The following MAGI1 variants were observed in gnomAD, a reference collection of about 807,000 sequenced individuals.
The protein encoded by MAGI1 is membrane-associated guanylate kinase, WW and PDZ domain-containing protein 1.
A neutral mutation model predicts 139.9 loss-of-function variants in MAGI1; 58 were observed. The observed-to-expected ratio is 0.41, with a 90% CI of 0.34 to 0.52. The LOEUF is 0.52. Ranked by LOEUF, MAGI1 falls within the 20% of genes least tolerant of loss-of-function variation. The pLI is 0.12. For synonymous variants in MAGI1, 812 were observed against 737.9 expected, an observed-to-expected ratio of 1.10 and a Z score of -1.63; for missense variants, 1,874 against 1,901.6, an observed-to-expected ratio of 0.99 and a Z score of 0.27.
At chr3:66,027,582 T>A (rs1391897959) in intron 1 of MAGI1, among the ~76,000 whole-genome samples, 1 of 152,202 alleles carries the variant, frequency 6.6e-6, no homozygotes, top group Non-Finnish European at 1.5e-5. Context: ...GAACCTGACT[T>A]CTCAAGCTAA....
At position 65,579,872 on chromosome 3, in the gene MAGI1, T is replaced by C. The variant is rs145627829; in HGVS notation, c.430+42100A>G. 5.6e-3 allele frequency among the ~76,000 whole-genome samples: 848 copies of C among 150,772 alleles called. 9 individuals are homozygous for C. Among genetic ancestry groups the C allele is most frequent in the African/African-American group, 0.02 (814 of 41,058 alleles). ...CAAAAAAAAAAAAAAACTCGCTCAG[T>C]ATCATTGGGACATTAAAAAAGCCAA... is the stretch of plus-strand genomic sequence containing the variant. On this transcript the variant is annotated intron_variant, in intron 2 of 22. Transcript: ENST00000402939.
intron 4 of MAGI1, among the ~76,000 whole-genome samples, chr3:65,472,432 C>T (rs909665361): frequency 6.6e-5 from 10 of 152,120 alleles, no homozygotes; most frequent in African/African-American, 2.2e-4. Flanking sequence ...GATGAATATT[C>T]AGGTGGTATA....
chr3:65,688,162 C>A (rs555383984), intron 1 of MAGI1: 8 of 766,870 alleles, frequency 1.0e-5, no homozygotes, highest in African/African-American at 5.2e-5. Flanking sequence ...ATGGGTATCA[C>A]TGACCCCCGT....
chr3:65,964,854 C>A (rs180899719), intron 1 of MAGI1, among the ~76,000 whole-genome samples: 1 of 152,292 alleles, frequency 6.6e-6, no homozygotes, highest in Non-Finnish European at 1.5e-5. Context: ...CCCCCAAGTC[C>A]AACAGATACA....
chr3:65,668,559 T>C (rs1327038473), intron 1 of MAGI1, among the ~76,000 whole-genome samples: 4 of 135,034 alleles, frequency 3.0e-5, no homozygotes, highest in Non-Finnish European at 3.0e-5. Context: ...AGTCCTTTTT[T>C]TTCTTTTTTT....
At chr3:65,580,621 A>G (rs2081373269) in intron 2 of MAGI1, among the ~76,000 whole-genome samples, 1 of 152,228 alleles carries the variant, frequency 6.6e-6, no homozygotes, top group Non-Finnish European at 1.5e-5. Context: ...TATTTTCTGC[A>G]CATAAAGTAA....
rs1422011896 is a variant in MAGI1 at position 65,357,060 on chromosome 3, C to A, written c.3707G>T (p.Arg1236Leu). 2 of 1,614,160 alleles carry A rather than the reference C, an allele frequency of 1.2e-6. No individual in the cohort carries two copies. Among genetic ancestry groups the A allele is most frequent in the South Asian group, 1.1e-5 (1 of 91,090 alleles). Reference protein sequence around the residue: ...GVPEVRAGPDRRQHPSLESSY... With the variant: ...GVPEVRAGPDLRQHPSLESSY... The stretch of plus-strand genomic sequence containing the variant: ...GGACTCCAATGACGGATGCTGCCGG[C>A]GGTCGGGCCCGGCCCTCACTTCCGG... Residue 1236 changes from arginine (R) to leucine (L), a missense_variant, in exon 23 of 23, where the codon CGC becomes CTC. Transcript: ENST00000402939.
intron 2 of MAGI1, among the ~76,000 whole-genome samples, chr3:65,497,673 C>T (rs948207542): frequency 6.6e-6 from 1 of 152,086 alleles, no homozygotes; most frequent in Non-Finnish European, 1.5e-5. Flanking sequence ...CTCCTGCAGC[C>T]ATCTTTGCCA....
intron 2 of MAGI1, among the ~76,000 whole-genome samples, chr3:65,553,759 A>G (rs1305532238): frequency 6.6e-6 from 1 of 152,190 alleles, no homozygotes; most frequent in African/African-American, 2.4e-5. Flanking sequence ...ATGGACAGCA[A>G]TGAACTATGT....
chr3:65,505,858 A>G (rs951945757), intron 2 of MAGI1, among the ~76,000 whole-genome samples: 1 of 152,106 alleles, frequency 6.6e-6, no homozygotes, highest in Non-Finnish European at 1.5e-5. Context: ...CTTACACTGC[A>G]GAGATGTAAA....
At chr3:65,476,475 G>C (rs1259282197) in intron 4 of MAGI1, among the ~76,000 whole-genome samples, 1 of 152,132 alleles carries the variant, frequency 6.6e-6, no homozygotes, top group Admixed American at 6.6e-5. Context: ...GATTTTATGA[G>C]GTCAGATTTT....
At chr3:65,973,514 G>C (rs573637200) in intron 1 of MAGI1, among the ~76,000 whole-genome samples, 1 of 152,276 alleles carries the variant, frequency 6.6e-6, no homozygotes, top group East Asian at 1.9e-4. Flanking sequence ...ATAAGTGAAT[G>C]TCTCCTAGCC....
At chr3:66,032,377 A>ATT (rs781376605) in intron 1 of MAGI1, among the ~76,000 whole-genome samples, 59,017 of 127,192 alleles carry the variant, frequency 0.46, 14,529 homozygotes, top group East Asian at 0.71. Context: ...CGCCCGGCTA[A>ATT]TTTTTTTGTT....
intron 1 of MAGI1, among the ~76,000 whole-genome samples, chr3:65,681,805 A>G (rs1042636789): frequency 1.3e-5 from 2 of 152,230 alleles, no homozygotes; most frequent in African/African-American, 4.8e-5. Context: ...AGATGATACC[A>G]AAGCAGAACA....
chr3:65,677,952 G>A (rs755224935), intron 1 of MAGI1, among the ~76,000 whole-genome samples: 2 of 152,206 alleles, frequency 1.3e-5, no homozygotes, highest in Non-Finnish European at 2.9e-5. Context: ...ACTGGATAAA[G>A]ACAATGTGGC....
At chr3:65,424,214 C>T (rs1946838837) in intron 12 of MAGI1, among the ~76,000 whole-genome samples, 1 of 152,200 alleles carries the variant, frequency 6.6e-6, no homozygotes, top group Non-Finnish European at 1.5e-5. Flanking sequence ...TCATTACCAT[C>T]ACCACCACCA....
At chr3:65,813,988 T>C (rs1202428237) in intron 1 of MAGI1, among the ~76,000 whole-genome samples, 1 of 152,134 alleles carries the variant, frequency 6.6e-6, no homozygotes, top group Non-Finnish European at 1.5e-5. Context: ...AAATTATGGG[T>C]ACGGAAATGA....
chr3:65,680,066 C>G (rs1461236547), intron 1 of MAGI1, among the ~76,000 whole-genome samples: 11 of 152,176 alleles, frequency 7.2e-5, no homozygotes, highest in Admixed American at 4.6e-4. Flanking sequence ...AGCTTTTTCC[C>G]TTCTAAGTAT....
intron 2 of MAGI1, among the ~76,000 whole-genome samples, chr3:65,562,810 G>A (rs530778519): frequency 2.0e-5 from 3 of 152,230 alleles, no homozygotes; most frequent in Admixed American, 2.0e-4. Flanking sequence ...CACAAAGCAA[G>A]AAATCATATA....
Sources: allele counts gnomAD v4.1 joint callset (sites outside exome capture counted in the v4.1 genomes callset), GRCh38; gene constraint gnomAD v4.1.1; transcripts MANE v1.5; gene names NCBI Gene and HGNC (gene_info 2026-07-23, HGNC 2026-07-21).